Variants in FOCAD observed in about 807,000 individuals in gnomAD.
FOCAD encodes focadhesin, also known as KIAA1797.
A neutral mutation model predicts 225.6 loss-of-function variants in FOCAD; 198 were observed. The observed-to-expected ratio is 0.88, with a 90% CI of 0.78 to 0.99. The LOEUF (loss-of-function observed/expected upper bound fraction) is 0.99. FOCAD is among the 50% of genes least tolerant of loss of function. The probability of loss-of-function intolerance (pLI) is 0.00; values close to 1 mark genes in which losing one functional copy is unlikely to be tolerated. For missense variants in FOCAD, 2,713 were observed against 2,123.6 expected, an observed-to-expected ratio of 1.28 and a Z score of -5.46; for synonymous variants, 897 against 755.0, an observed-to-expected ratio of 1.19 and a Z score of -3.08.
At position 20,715,336 on chromosome 9, in the gene FOCAD, C is replaced by A; in HGVS notation, c.-18C>A. 1.3e-6 allele frequency: 2 copies of A among 1,504,826 alleles called. No homozygotes were observed. The highest frequency in any genetic ancestry group is 9.0e-7 in the Non-Finnish European group (1 of 1,117,090). The allele number at this position is 1,504,826 out of a possible 1,614,324, so 93.2% of individuals were successfully genotyped here. A position where few individuals can be genotyped will look rare whatever the true frequency, so the allele number is the denominator to read the frequency against. On this transcript the variant is annotated 5_prime_UTR_variant, in exon 2 of 44. Transcript: ENST00000338382. ...TTTGGTTACAGAAGCTGCACACATACATGTAAGAGAAGCAAAAATGTCAGA... is the reference window on the plus strand; with the variant it reads ...TTTGGTTACAGAAGCTGCACACATAAATGTAAGAGAAGCAAAAATGTCAGA...
chr9:20,728,763 G>T (rs1416963803), intron 4 of FOCAD, among the ~76,000 whole-genome samples: 1 of 152,178 alleles, frequency 6.6e-6, no homozygotes, highest in African/African-American at 2.4e-5. Flanking sequence ...GCAGTTTCCT[G>T]TGTGGATTAG....
chr9:20,986,266 A>ACTTTTTTTTTT, intron 39 of FOCAD, 22 bp from the exon 40 acceptor site: 1 of 705,686 alleles, frequency 1.4e-6, no homozygotes, highest in South Asian at 2.9e-5. Flanking sequence ...TAACTAAACA[A>ACTTTTTTTTTT]TTTTTTTTTT....
At chr9:20,895,573 A>T (rs965227163) in intron 21 of FOCAD, among the ~76,000 whole-genome samples, 5 of 151,860 alleles carry the variant, frequency 3.3e-5, no homozygotes, top group African/African-American at 9.6e-5. Flanking sequence ...ATATGTGTAT[A>T]TATATAGATA....
chr9:20,754,793 A>G (rs992537161), intron 5 of FOCAD, among the ~76,000 whole-genome samples: 5 of 152,308 alleles, frequency 3.3e-5, no homozygotes, highest in South Asian at 4.1e-4. Flanking sequence ...AACCCACACA[A>G]TAAAGAGTTA....
intron 29 of FOCAD, 74 bp downstream of exon 29, chr9:20,944,848 C>T (rs1837029472): frequency 6.9e-7 from 1 of 1,449,852 alleles, no homozygotes; most frequent in Non-Finnish European, 9.2e-7. Flanking sequence ...TTTGGACTTA[C>T]CATATTTTGG....
chr9:20,795,700 C>T (rs971915276), intron 11 of FOCAD, among the ~76,000 whole-genome samples: 61 of 133,716 alleles, frequency 4.6e-4, no homozygotes, highest in Non-Finnish European at 7.7e-4. Context: ...AGGAGAATGG[C>T]GTGAACCTGG....
Position 20,986,468 on chromosome 9 carries a change from G to A in FOCAD, c.4906+3G>A. On this transcript the variant is annotated splice_donor_region_variant and intron_variant, in intron 40 of 43. Transcript: ENST00000338382. ...GATTGTGAGCCATGCCAATACGGGTGAGGACACCCTGGGGTGAACATCAGA... is the reference window on the plus strand; with the variant it reads ...GATTGTGAGCCATGCCAATACGGGTAAGGACACCCTGGGGTGAACATCAGA... The A allele has an allele frequency of 1.2e-6, 2 of 1,604,550 alleles. No individual in the cohort carries two copies. The highest frequency in any genetic ancestry group is 1.7e-6 in the Non-Finnish European group (2 of 1,176,374).
chr9:20,771,258 C>T (rs746434098), intron 8 of FOCAD, among the ~76,000 whole-genome samples: 20 of 152,188 alleles, frequency 1.3e-4, no homozygotes, highest in South Asian at 2.1e-4. Context: ...GGCTTGTCTT[C>T]CATGCCACAC....
chr9:20,958,753 T>G (rs1445480567), intron 35 of FOCAD, among the ~76,000 whole-genome samples: 3 of 152,154 alleles, frequency 2.0e-5, no homozygotes, highest in Non-Finnish European at 4.4e-5. Context: ...AGATCAACTT[T>G]CTTTTTGCTT....
At chr9:20,752,886 G>T (rs2131754043) in intron 5 of FOCAD, among the ~76,000 whole-genome samples, 1 of 151,470 alleles carries the variant, frequency 6.6e-6, no homozygotes, top group African/African-American at 2.4e-5. Context: ...TCCCTTGTAA[G>T]CTGGATTCCT....
In FOCAD at chr9:20,767,122, A is replaced by G. The variant is rs1287933079; in HGVS notation, c.699+2049A>G. On this transcript the variant is annotated intron_variant, in intron 7 of 43. Coordinates refer to ENST00000338382, the MANE Select transcript of FOCAD (RefSeq NM_001375567.1). Reference sequence around the variant, plus strand: ...AGTTTACTGAGAATGATGATTTCCAATTTCATCCATGTCCCTACAAAGGAC... The same window carrying G: ...AGTTTACTGAGAATGATGATTTCCAGTTTCATCCATGTCCCTACAAAGGAC... 5.4e-3 allele frequency among the ~76,000 whole-genome samples: 809 copies of G among 150,296 alleles called. 4 individuals carry two copies. The highest frequency in any genetic ancestry group is 9.0e-3 in the Non-Finnish European group (603 of 67,244).
At chr9:20,781,197 A>G (rs956686944) in intron 9 of FOCAD, among the ~76,000 whole-genome samples, 1 of 152,230 alleles carries the variant, frequency 6.6e-6, no homozygotes, top group African/African-American at 2.4e-5. Flanking sequence ...ATGTTAAAGA[A>G]CCATTCACTA....
chr9:20,964,804 G>T (rs1162146096), intron 35 of FOCAD, among the ~76,000 whole-genome samples: 1 of 152,160 alleles, frequency 6.6e-6, no homozygotes, highest in Non-Finnish European at 1.5e-5. Flanking sequence ...AAAGTGCTGG[G>T]ATTACAGGCG....
chr9:20,831,575 A>G (rs1049327220), intron 15 of FOCAD, among the ~76,000 whole-genome samples: 15 of 152,062 alleles, frequency 9.9e-5, no homozygotes, highest in African/African-American at 3.4e-4. Flanking sequence ...GAGATAGAAG[A>G]CACATCAACA....
chr9:20,948,386 T>C lies in FOCAD; in HGVS notation c.3791T>C (p.Leu1264Pro), dbSNP rs1183457955. The C allele has an allele frequency of 6.2e-7, 1 of 1,611,162 alleles. No homozygotes were observed. The highest frequency in any genetic ancestry group is 8.5e-7 in the Non-Finnish European group (1 of 1,178,324). ...KLLPAWIRIV[L>P]TEGTPTMLCL... ...CTCCCTGCCTGGATCAGAATTGTTC[T>C]AACAGAGGTAGAGGTCACCTGTTGT... The change falls in exon 31 of 44, where the codon CTA (leucine) becomes CCA (proline). Residue 1264 changes from leucine (L) to proline (P), a missense_variant. Transcript: ENST00000338382.
intron 22 of FOCAD, among the ~76,000 whole-genome samples, chr9:20,912,295 TAAAG>T (rs1833500968): frequency 1.3e-5 from 2 of 152,220 alleles, no homozygotes; most frequent in East Asian, 1.9e-4. Flanking sequence ...GCCTTGGACT[TAAAG>T]GAACAATGTT....
intron 8 of FOCAD, among the ~76,000 whole-genome samples, chr9:20,778,089 C>CAAAAAAAAAAA (rs1184354592): frequency 7.1e-5 from 6 of 84,188 alleles, no homozygotes; most frequent in East Asian, 3.2e-4. Flanking sequence ...GACTCCGTCT[C>CAAAAAAAAAAA]AAAAAAAAAA....
rs571695037 is a variant in FOCAD, at chr9:20,885,193, G to T, written c.2588G>T (p.Arg863Leu). ...AACAGACTGATGGCCAGCAGAGGGC[G>T]AAGTTTCAAGCAGACTTCACTTGCT... ...PLNRLMASRG[R>L]SFKQTSLALV... Residue 863 changes from arginine (R) to leucine (L), a missense_variant, in exon 21 of 44, where the codon CGA becomes CTA. Transcript: ENST00000338382. 1.9e-6 allele frequency: 3 copies of T among 1,540,456 alleles called. No individual in the cohort carries two copies. Among genetic ancestry groups the T allele is most frequent in the East Asian group, 2.4e-5 (1 of 41,684 alleles).
chr9:20,823,156 T>C (rs1824510031), intron 15 of FOCAD, 41 bp downstream of exon 15: 1 of 1,580,630 alleles, frequency 6.3e-7, no homozygotes, highest in African/African-American at 1.4e-5. Flanking sequence ...TTGAAGAAAA[T>C]CTTTTATAAG....
Sources: gnomAD v4.1 joint callset for allele counts (sites outside exome capture counted in the v4.1 genomes callset) on GRCh38, gnomAD v4.1.1 for gene constraint, MANE v1.5 for transcripts, NCBI Gene and HGNC (gene_info 2026-07-23, HGNC 2026-07-21) for gene names.